ZNF469: variants seen among roughly 807,000 people sequenced by gnomAD.
ZNF469 encodes the protein zinc finger protein 469.
A neutral mutation model predicts 1.0 loss-of-function variants in ZNF469; 1 was observed. That is an observed-to-expected ratio of 1.00 (90% confidence interval 0.35 to 4.73). The LOEUF is 4.73. Ranked by LOEUF, ZNF469 falls within the 30% of genes most tolerant of loss-of-function variation. ZNF469 has a pLI of 0.16. For synonymous variants in ZNF469, 2,703 were observed against 2,363.4 expected, an observed-to-expected ratio of 1.14 and a Z score of -4.17; for missense variants, 6,100 against 5,356.3, an observed-to-expected ratio of 1.14 and a Z score of -4.33.
At chr16:88,186,048 C>A in the ZNF469 span, among the ~76,000 whole-genome samples, 1 of 152,254 alleles carries the variant, frequency 6.6e-6, no homozygotes, top group African/African-American at 2.4e-5. Context: ...GTCCTGGGGA[C>A]GAGTCAAGCC....
chr16:88,299,219 G>C, the ZNF469 span, among the ~76,000 whole-genome samples: 1 of 151,152 alleles, frequency 6.6e-6, no homozygotes, highest in Admixed American at 6.6e-5. Context: ...GGGGTGGGGA[G>C]GGCTTCCTGG....
the ZNF469 span, among the ~76,000 whole-genome samples, chr16:88,101,534 T>A: frequency 5.8e-5 from 8 of 139,060 alleles, no homozygotes; most frequent in East Asian, 1.5e-3. Context: ...TAAACGTGCA[T>A]CTCATTACGC....
At chr16:88,223,751 A>C in the ZNF469 span, among the ~76,000 whole-genome samples, 1 of 152,244 alleles carries the variant, frequency 6.6e-6, no homozygotes, top group Non-Finnish European at 1.5e-5. Flanking sequence ...CCTCTCATCC[A>C]GCCCGCTGTG....
At chr16:88,139,649 C>T in the ZNF469 span, among the ~76,000 whole-genome samples, 2 of 152,002 alleles carry the variant, frequency 1.3e-5, no homozygotes, top group African/African-American at 2.4e-5. Context: ...GTCCCCTGGC[C>T]TGGGGACGTG....
chr16:88,271,596 C>G, the ZNF469 span, among the ~76,000 whole-genome samples: 420 of 139,964 alleles, frequency 3.0e-3, 21 homozygotes, highest in Non-Finnish European at 5.3e-3. Flanking sequence ...GGGGGCCAGG[C>G]CCCAACAGCA....
In ZNF469 at chr16:88,430,677, G is replaced by A. The variant is rs1276039411; in HGVS notation, c.3207G>A (p.Ala1069=). The change falls in exon 3 of 3, where the codon GCG becomes GCA. Residue 1069 remains alanine (A), a synonymous_variant. Transcript: ENST00000565624. ...NRRHRRLGRR[A]GRCGSLAAGR... Reference sequence around the variant, plus strand: ...GCCACCGGCGGCTGGGGCGGCGGGCGGGCAGGTGCGGCTCCCTGGCGGCGG... The same window carrying A: ...GCCACCGGCGGCTGGGGCGGCGGGCAGGCAGGTGCGGCTCCCTGGCGGCGG... 2 of 1,492,722 alleles carry A rather than the reference G, an allele frequency of 1.3e-6. No individual in the cohort carries two copies. Among genetic ancestry groups the A allele is most frequent in the Non-Finnish European group, 8.9e-7 (1 of 1,128,340 alleles). The allele number at this position is 1,492,722 out of a possible 1,614,324, so 92.5% of individuals were successfully genotyped here.
chr16:88,334,414 C>G, the ZNF469 span, among the ~76,000 whole-genome samples: 2 of 152,150 alleles, frequency 1.3e-5, no homozygotes, highest in African/African-American at 4.8e-5. Flanking sequence ...AGTTGAGCAT[C>G]CCTGACCCAG....
chr16:88,140,539 C>G, the ZNF469 span, among the ~76,000 whole-genome samples: 1 of 150,614 alleles, frequency 6.6e-6, no homozygotes, highest in Non-Finnish European at 1.5e-5. Context: ...GTTCAAAGAT[C>G]CTGCAGAAAA....
At chr16:88,364,629 T>G in the ZNF469 span, among the ~76,000 whole-genome samples, 3 of 152,032 alleles carry the variant, frequency 2.0e-5, no homozygotes, top group Non-Finnish European at 4.4e-5. Flanking sequence ...CTTATTTAGG[T>G]CTTAATTTCA....
chr16:88,192,829 G>C, the ZNF469 span, among the ~76,000 whole-genome samples: 1 of 145,310 alleles, frequency 6.9e-6, no homozygotes, highest in Non-Finnish European at 1.6e-5. Flanking sequence ...GGTGGTGGTG[G>C]TGGTGATGAC....
At chr16:88,359,057 T>G in the ZNF469 span, among the ~76,000 whole-genome samples, 1 of 152,238 alleles carries the variant, frequency 6.6e-6, no homozygotes, top group Non-Finnish European at 1.5e-5. Flanking sequence ...TCGTTGGCTG[T>G]GCAGACGCTC....
the ZNF469 span, among the ~76,000 whole-genome samples, chr16:88,209,271 GT>G: frequency 6.6e-6 from 1 of 151,620 alleles, no homozygotes; most frequent in Admixed American, 6.6e-5. Flanking sequence ...TTCTTCCGGT[GT>G]TTCTTTTCTT....
chr16:88,159,101 G>A, the ZNF469 span, among the ~76,000 whole-genome samples: 2 of 142,546 alleles, frequency 1.4e-5, no homozygotes, highest in African/African-American at 5.0e-5. Context: ...TCCTGGTCAC[G>A]GATGCTCACA....
chr16:88,374,004 TAA>T, the ZNF469 span, among the ~76,000 whole-genome samples: 1 of 143,416 alleles, frequency 7.0e-6, no homozygotes. Context: ...TGTCTAAAAT[TAA>T]AAAAAAAAAA....
chr16:88,294,611 C>T, the ZNF469 span: 1 of 152,220 alleles, frequency 6.6e-6, no homozygotes, highest in African/African-American at 2.4e-5. Context: ...TGGAAATTGC[C>T]TCTTTAACCC....
chr16:88,390,620 C>T (rs1006667499), intron 1 of ZNF469, among the ~76,000 whole-genome samples: 22 of 152,220 alleles, frequency 1.4e-4, no homozygotes, highest in African/African-American at 2.4e-5. Flanking sequence ...GAAGCAGGGA[C>T]GGCCACAGTG....
chr16:88,402,355 C>T (rs549548689), intron 1 of ZNF469, among the ~76,000 whole-genome samples: 1 of 152,260 alleles, frequency 6.6e-6, no homozygotes, highest in East Asian at 1.9e-4. Flanking sequence ...GGATCAAGAA[C>T]TGGGCCCCAG....
the ZNF469 span, among the ~76,000 whole-genome samples, chr16:88,284,192 G>A: frequency 1.8e-3 from 266 of 151,922 alleles, no homozygotes; most frequent in African/African-American, 5.4e-3. Context: ...CGAGGTCAGC[G>A]GAGGCTGGTA....
At chr16:88,409,465 C>T (rs906715290) in intron 1 of ZNF469, among the ~76,000 whole-genome samples, 2 of 152,064 alleles carry the variant, frequency 1.3e-5, no homozygotes, top group African/African-American at 2.4e-5. Context: ...CCTGCATCCT[C>T]GGGGCAGCAG....
Sources: allele counts gnomAD v4.1 joint callset (sites outside exome capture counted in the v4.1 genomes callset), GRCh38; gene constraint gnomAD v4.1.1; transcripts MANE v1.5; gene names NCBI Gene and HGNC (gene_info 2026-07-23, HGNC 2026-07-21).